Variants in GALNT15 observed in about 807,000 individuals in gnomAD.
GALNT15 encodes UDP-GalNAc transferase T15.
Under a neutral mutation model 66.8 loss-of-function variants are expected in GALNT15, and 67 were observed. The ratio of observed to expected loss-of-function variants is 1.00; its 90% CI spans 0.82 to 1.23. The LOEUF is 1.23. Ranked by LOEUF, GALNT15 falls within the 50% of genes most tolerant of loss-of-function variation. The probability of loss-of-function intolerance (pLI) is 0.00; values close to 1 mark genes in which losing one functional copy is unlikely to be tolerated. For missense variants in GALNT15, 827 were observed against 804.3 expected, an observed-to-expected ratio of 1.03 and a Z score of -0.34; for synonymous variants, 313 against 311.5, an observed-to-expected ratio of 1.00 and a Z score of -0.05.
chr3:16,202,210 G>A (rs995352116), intron 3 of GALNT15, among the ~76,000 whole-genome samples: 2 of 152,170 alleles, frequency 1.3e-5, no homozygotes, highest in Admixed American at 1.3e-4. Flanking sequence ...AAGAACAATC[G>A]GAACTCAAGT....
At position 16,176,808 on chromosome 3, in the gene GALNT15, G is replaced by A. The variant is rs913128125; in HGVS notation, c.539+1118G>A. On this transcript the variant is annotated intron_variant, in intron 1 of 9. Coordinates refer to ENST00000339732, the MANE Select transcript of GALNT15 (RefSeq NM_054110.5). This position sits in a 1 kb window ranked among gnomAD's most constrained non-coding sequence, Gnocchi z 5.6. ...TTGGAAGCAGGGCCACACACTCTTC[G>A]GATCCCTGATCTAGTTCCCCTCAGC... Among the ~76,000 whole-genome samples, 9 of 152,138 alleles carry A rather than the reference G, an allele frequency of 5.9e-5. No homozygotes were observed. Among genetic ancestry groups the A allele is most frequent in the East Asian group, 1.9e-4 (1 of 5,192 alleles).
chr3:16,228,835 G>A lies in GALNT15; in HGVS notation c.*1335G>A, dbSNP rs184123725. On this transcript the variant is annotated 3_prime_UTR_variant, in exon 10 of 10. Transcript: ENST00000339732. ...TGAGAGCTGACAGGGCCATCTCTGAGCCCATATAACTGTCTGGAACCCCCA... is the reference window on the plus strand; with the variant it reads ...TGAGAGCTGACAGGGCCATCTCTGAACCCATATAACTGTCTGGAACCCCCA... 2.1e-4 allele frequency: 205 copies of A among 985,380 alleles called. No individual in the cohort carries two copies. The African/African-American group carries it at 3.3e-3, about 16-fold the overall frequency. 61.0% of individuals were successfully genotyped at this position (985,380 alleles called of 1,614,324 possible).
At position 16,219,841 on chromosome 3, in the gene GALNT15, T is replaced by G. The variant is rs1286333785; in HGVS notation, c.1525-69T>G. Reference sequence around the variant, plus strand: ...CACTCCAGAGAATACAGCAAAGGAATGGTGTCTGACCGAGGGTGTCTTTAC... The same window carrying G: ...CACTCCAGAGAATACAGCAAAGGAAGGGTGTCTGACCGAGGGTGTCTTTAC... On this transcript the variant is annotated intron_variant, in intron 7 of 9. Coordinates refer to ENST00000339732, the MANE Select transcript of GALNT15 (RefSeq NM_054110.5). This position sits in a 1 kb window ranked among gnomAD's most constrained non-coding sequence, Gnocchi z 4.3. 2 of 1,252,474 alleles carry G rather than the reference T, an allele frequency of 1.6e-6. No homozygotes were observed. The highest frequency in any genetic ancestry group is 2.9e-5 in the African/African-American group (2 of 67,842). The allele number at this position is 1,252,474 out of a possible 1,614,324, so 77.6% of individuals were successfully genotyped here.
rs1188869834 is a variant in GALNT15 at position 16,225,957 on chromosome 3, G to A, written c.1774-1397G>A. ...CCAGCTACACGGGAGGCTGCAGTAG[G>A]AGAATCGCTTGAACCTGGGAGATGG... On this transcript the variant is annotated intron_variant, in intron 9 of 9. Coordinates refer to ENST00000339732, the MANE Select transcript of GALNT15 (RefSeq NM_054110.5). The surrounding 1 kb of genome is among the most constrained non-coding windows in gnomAD (Gnocchi z 4.4). Among the ~76,000 whole-genome samples the A allele has an allele frequency of 2.0e-5, 3 of 151,606 alleles. No individual in the cohort carries two copies. The highest frequency in any genetic ancestry group is 7.3e-5 in the African/African-American group (3 of 41,214).
rs2063658110 is a variant in GALNT15 at position 16,197,926 on chromosome 3, C to T, written c.706+2000C>T. ...GTCTGGAAGTTCTTCCTTATCTATTCCGAAGCTCTCTTGCTAGAAGTCTGT... is the reference window on the plus strand; with the variant it reads ...GTCTGGAAGTTCTTCCTTATCTATTTCGAAGCTCTCTTGCTAGAAGTCTGT... On this transcript the variant is annotated intron_variant, in intron 2 of 9. Transcript: ENST00000339732. Among the ~76,000 whole-genome samples the T allele has an allele frequency of 3.1e-5, 3 of 97,406 alleles. No individual in the cohort carries two copies. In the South Asian group the frequency reaches 8.7e-4, roughly 28 times the overall value. The allele number at this position is 97,406 out of a possible 152,430, so 63.9% of individuals were successfully genotyped here.
chr3:16,244,939 G>C, the GALNT15 span, among the ~76,000 whole-genome samples: 2 of 152,148 alleles, frequency 1.3e-5, no homozygotes, highest in African/African-American at 4.8e-5. Context: ...GAACAGTTCT[G>C]TGCAGCCTCA....
rs1025075820 is a variant in GALNT15, at chr3:16,224,706, G to A, written c.1773+1948G>A. Among the ~76,000 whole-genome samples the A allele has an allele frequency of 1.3e-5, 2 of 150,504 alleles. No individual in the cohort carries two copies. Among genetic ancestry groups the A allele is most frequent in the East Asian group, 2.0e-4 (1 of 5,106 alleles). ...GGCTAGAGTTCAATGGCAGGATCTC[G>A]GCTCACTGCAACCTCTGCCTCCCGG... On this transcript the variant is annotated intron_variant, in intron 9 of 9. Coordinates refer to ENST00000339732, the MANE Select transcript of GALNT15 (RefSeq NM_054110.5). This position sits in a 1 kb window ranked among gnomAD's most constrained non-coding sequence, Gnocchi z 5.2.
downstream of GALNT15, among the ~76,000 whole-genome samples, chr3:16,232,517 T>TATATATATATATAA (rs1559698470): frequency 1.4e-5 from 1 of 70,360 alleles, no homozygotes; most frequent in African/African-American, 6.7e-5. Context: ...TATATTTATT[T>TATATATATATATAA]AAAAGAGACA....
chr3:16,229,406 G>T lies in GALNT15; in HGVS notation c.*1906G>T, dbSNP rs141959638. The T allele has an allele frequency of 6.3e-4, 545 of 861,118 alleles. 2 individuals are homozygous for T. In the African/African-American group the frequency reaches 8.4e-3, roughly 13 times the overall value. 53.3% of individuals were successfully genotyped at this position (861,118 alleles called of 1,614,324 possible). A position where few individuals can be genotyped will look rare whatever the true frequency, so the allele number is the denominator to read the frequency against. On this transcript the variant is annotated 3_prime_UTR_variant, in exon 10 of 10. Coordinates refer to ENST00000339732, the MANE Select transcript of GALNT15 (RefSeq NM_054110.5). ...ATGCTCACTACCCACCTGTGGCTAG[G>T]GTCTACTTCTACTGTATTGGCGAGC...
rs997024969 is a variant in GALNT15 at position 16,191,251 on chromosome 3, C to T, written c.540-4509C>T. 1 of 761,380 alleles carries T rather than the reference C, an allele frequency of 1.3e-6. No homozygotes were observed. The highest frequency in any genetic ancestry group is 1.6e-6 in the Non-Finnish European group (1 of 625,688). The allele number at this position is 761,380 out of a possible 1,614,324, so 47.2% of individuals were successfully genotyped here. A position where few individuals can be genotyped will look rare whatever the true frequency, so the allele number is the denominator to read the frequency against. On this transcript the variant is annotated intron_variant, in intron 1 of 9. Coordinates refer to ENST00000339732, the MANE Select transcript of GALNT15 (RefSeq NM_054110.5). This position sits in a 1 kb window ranked among gnomAD's most constrained non-coding sequence, Gnocchi z 5.2. ...CTTATTTTTCTGCCTCCTTCTTCCT[C>T]CTGCTGCGGGAAGGAGCCCCCAAAG...
downstream of GALNT15, among the ~76,000 whole-genome samples, chr3:16,230,848 C>A (rs2064075344): frequency 6.6e-6 from 1 of 152,158 alleles, no homozygotes; most frequent in African/African-American, 2.4e-5. This position sits in a 1 kb window ranked among gnomAD's most constrained non-coding sequence, Gnocchi z 4.5. Flanking sequence ...GCACAATAAC[C>A]AAGGAGGTGC....
intron 1 of GALNT15, among the ~76,000 whole-genome samples, chr3:16,194,578 C>A (rs2063612498): frequency 6.6e-6 from 1 of 152,132 alleles, no homozygotes; most frequent in Non-Finnish European, 1.5e-5. Context: ...ACGGAATCAA[C>A]CCAAATGCCC....
Position 16,175,560 on chromosome 3 carries a change from G to T in GALNT15, c.409G>T (p.Ala137Ser), listed in dbSNP as rs372125358. The T allele has an allele frequency of 8.1e-6, 13 of 1,613,966 alleles. No individual in the cohort carries two copies. The highest frequency in any genetic ancestry group is 1.1e-5 in the Non-Finnish European group (13 of 1,179,972). ...GGAAGCCCCAAAGAGGGACTGGGGG[G>T]CTGATGAGGACGGGGAGGTGTCTGA... ...DKEAPKRDWG[A>S]DEDGEVSEEE... Residue 137 changes from alanine (A) to serine (S), a missense_variant, in exon 1 of 10, where the codon GCT (alanine) becomes TCT (serine). Physicochemically the swap from Ala to Ser is moderately conservative, Grantham distance 99. Coordinates refer to ENST00000339732, the MANE Select transcript of GALNT15 (RefSeq NM_054110.5). This position sits in a 1 kb window ranked among gnomAD's most constrained non-coding sequence, Gnocchi z 5.6.
At chr3:16,243,239 T>G in the GALNT15 span, among the ~76,000 whole-genome samples, 1 of 152,214 alleles carries the variant, frequency 6.6e-6, no homozygotes, top group Non-Finnish European at 1.5e-5. Context: ...GGGCTTGACC[T>G]GGATGTCGTG....
In GALNT15 at chr3:16,228,895, G is replaced by A. The variant is rs1337914817; in HGVS notation, c.*1395G>A. The A allele has an allele frequency of 1.0e-6, 1 of 985,340 alleles. No homozygotes were observed. The highest frequency in any genetic ancestry group is 1.2e-6 in the Non-Finnish European group (1 of 829,960). The allele number at this position is 985,340 out of a possible 1,614,324, so 61.0% of individuals were successfully genotyped here. The stretch of plus-strand genomic sequence containing the variant: ...ACAGGTTGAATGTCCATGAGTGTGG[G>A]AAGAACACGGCTCATCTGGAGCACA... On this transcript the variant is annotated 3_prime_UTR_variant, in exon 10 of 10. Coordinates refer to ENST00000339732, the MANE Select transcript of GALNT15 (RefSeq NM_054110.5).
chr3:16,219,146 G>C lies in GALNT15; in HGVS notation c.1393-257G>C, dbSNP rs559433324. Among the ~76,000 whole-genome samples, 1 of 152,140 alleles carries C rather than the reference G, an allele frequency of 6.6e-6. No individual in the cohort carries two copies. The highest frequency in any genetic ancestry group is 1.5e-5 in the Non-Finnish European group (1 of 68,026). On this transcript the variant is annotated intron_variant, in intron 6 of 9. Coordinates refer to ENST00000339732, the MANE Select transcript of GALNT15 (RefSeq NM_054110.5). The surrounding 1 kb of genome is among the most constrained non-coding windows in gnomAD (Gnocchi z 4.3). ...TTATAGACTGGAGATTTGAGGGATT[G>C]TGGGAAGGGGCTGATATCACTTACA...
In GALNT15 at chr3:16,201,162, T is replaced by A. The variant is rs1454836937; in HGVS notation, c.911+339T>A. Among the ~76,000 whole-genome samples, 4 of 134,616 alleles carry A rather than the reference T, an allele frequency of 3.0e-5. No homozygotes were observed. The East Asian group carries it at 8.8e-4, about 30-fold the overall frequency. 88.3% of individuals were successfully genotyped at this position (134,616 alleles called of 152,430 possible). On this transcript the variant is annotated intron_variant, in intron 3 of 9. Transcript: ENST00000339732. ...TTGCCTTTGGTGAAAATTTGGCAAT[T>A]TTTTTTTCTTTTTCTTTTTCTTTTT...
downstream of GALNT15, among the ~76,000 whole-genome samples, chr3:16,236,393 G>A (rs902525830): frequency 6.6e-6 from 1 of 152,192 alleles, no homozygotes; most frequent in Non-Finnish European, 1.5e-5. Context: ...GGTACAAAAG[G>A]AGCCGAGCCA....
intron 9 of GALNT15, among the ~76,000 whole-genome samples, chr3:16,226,140 G>C (rs1205025437): frequency 3.3e-5 from 5 of 152,084 alleles, no homozygotes; most frequent in Non-Finnish European, 7.4e-5. Context: ...GTCCAGAATA[G>C]GAAAATCCAT....
Sources: gnomAD v4.1 joint callset for allele counts (sites outside exome capture counted in the v4.1 genomes callset) on GRCh38, gnomAD v4.1.1 for gene constraint, Gnocchi (gnomAD v3.1) non-coding constraint, MANE v1.5 for transcripts, NCBI Gene and HGNC (gene_info 2026-07-23, HGNC 2026-07-21) for gene names.